Variants in CDC42BPA observed in about 807,000 individuals in gnomAD.
CDC42BPA encodes the protein CDC42 binding protein kinase alpha, also known as serine/threonine-protein kinase MRCK alpha.
CDC42BPA carries 80 observed loss-of-function variants against 223.5 expected under a neutral mutation model. The ratio of observed to expected loss-of-function variants is 0.36; its 90% CI spans 0.30 to 0.43. CDC42BPA has a LOEUF of 0.43. Ranked by LOEUF, CDC42BPA falls within the 20% of genes least tolerant of loss-of-function variation. The pLI is 1.00. For missense variants in CDC42BPA, 1,743 were observed against 2,099.9 expected (o/e 0.83, Z 3.32); for synonymous variants, 694 against 718.6 (o/e 0.97, Z 0.55).
chr1:227,089,905 A>T lies in CDC42BPA; in HGVS notation c.2355+1981T>A, dbSNP rs77215440. Among the ~76,000 whole-genome samples the T allele has an allele frequency of 8.1e-3, 1,233 of 152,292 alleles. 17 individuals are homozygous for T. Among genetic ancestry groups the T allele is most frequent in the African/African-American group, 0.028 (1,171 of 41,564 alleles). On this transcript the variant is annotated intron_variant, in intron 16 of 36. Transcript: ENST00000366766. ...TATTTTCCAATACAATTTTTCTTAA[A>T]ATGTAATAACATCTTTTAGTAGGTA...
chr1:227,044,875 C>T (rs1672111867), intron 23 of CDC42BPA, among the ~76,000 whole-genome samples: 1 of 152,124 alleles, frequency 6.6e-6, no homozygotes, highest in African/African-American at 2.4e-5. Context: ...AATAGTTCCC[C>T]TCCCACCCTC....
At chr1:227,041,652 C>T (rs980411701) in intron 23 of CDC42BPA, among the ~76,000 whole-genome samples, 1 of 151,790 alleles carries the variant, frequency 6.6e-6, no homozygotes, top group Non-Finnish European at 1.5e-5. Context: ...CATAGAAAAA[C>T]CTGACTACCA....
chr1:227,188,503 G>A (rs1412787361), intron 5 of CDC42BPA, among the ~76,000 whole-genome samples: 1 of 151,960 alleles, frequency 6.6e-6, no homozygotes, highest in African/African-American at 2.4e-5. Context: ...TAGGTAAATG[G>A]AAAACTATGG....
rs1245855564 is a variant in CDC42BPA at position 227,112,767 on chromosome 1, G to A, written c.1794C>T (p.Arg598=). 1.2e-6 allele frequency: 2 copies of A among 1,613,950 alleles called. No homozygotes were observed. Among genetic ancestry groups the A allele is most frequent in the Non-Finnish European group, 1.7e-6 (2 of 1,179,982 alleles). ...ELHTQKQKLA[R]HVRDKEEEVD... is the part of the protein sequence containing the mutation. ...CCTCTTCTTCCTTATCTCGGACATG[G>A]CGAGCAAGTTTCTGTTTTTGGGTGT... Residue 598 remains arginine (R), a synonymous_variant, in exon 13 of 37, where the codon CGC becomes CGT. Coordinates refer to ENST00000366766, the MANE Select transcript of CDC42BPA (RefSeq NM_001394014.1).
intron 35 of CDC42BPA, among the ~76,000 whole-genome samples, chr1:227,001,380 A>C (rs1373938554): frequency 6.6e-6 from 1 of 152,190 alleles, no homozygotes; most frequent in Non-Finnish European, 1.5e-5. Flanking sequence ...AAACTCAATG[A>C]ATGCGTTAAG....
intron 1 of CDC42BPA, among the ~76,000 whole-genome samples, chr1:227,263,025 T>G (rs1849551): frequency 0.31 from 46,804 of 151,980 alleles, 7,386 homozygotes; most frequent in East Asian, 0.37. Flanking sequence ...TTGAGGTCAG[T>G]AGTTCAAGAC....
intron 12 of CDC42BPA, among the ~76,000 whole-genome samples, chr1:227,115,741 A>G (rs1032400755): frequency 2.0e-5 from 3 of 152,122 alleles, no homozygotes; most frequent in African/African-American, 7.2e-5. Flanking sequence ...ACAAAAAAAG[A>G]TAAAACTCCA....
At chr1:227,041,999 C>T (rs901078116) in intron 23 of CDC42BPA, among the ~76,000 whole-genome samples, 2 of 152,116 alleles carry the variant, frequency 1.3e-5, no homozygotes, top group African/African-American at 4.8e-5. Context: ...CTCCTGTATA[C>T]TACTTTTTAA....
chr1:227,157,981 G>A (rs555823450), intron 6 of CDC42BPA, among the ~76,000 whole-genome samples: 9 of 139,192 alleles, frequency 6.5e-5, no homozygotes, highest in East Asian at 4.1e-4. Context: ...TTTTTGAGAC[G>A]CAGTCTCATT....
intron 34 of CDC42BPA, among the ~76,000 whole-genome samples, chr1:227,012,368 C>A (rs1043937710): frequency 2.0e-5 from 3 of 151,966 alleles, no homozygotes; most frequent in Non-Finnish European, 4.4e-5. Context: ...TATTTATAAG[C>A]CACACACACC....
intron 1 of CDC42BPA, among the ~76,000 whole-genome samples, chr1:227,272,627 G>T (rs1041708155): frequency 6.6e-6 from 1 of 152,080 alleles, no homozygotes; most frequent in Non-Finnish European, 1.5e-5. Context: ...TCACTATGTT[G>T]CCCAGGCTGG....
At chr1:227,167,266 A>T (rs1276972087) in intron 5 of CDC42BPA, among the ~76,000 whole-genome samples, 3 of 152,240 alleles carry the variant, frequency 2.0e-5, no homozygotes, top group Non-Finnish European at 4.4e-5. Flanking sequence ...GAAATGTATG[A>T]TCAATTCTTA....
intron 2 of CDC42BPA, among the ~76,000 whole-genome samples, chr1:227,214,143 ACAG>A (rs1374229690): frequency 6.6e-6 from 1 of 152,050 alleles, no homozygotes; most frequent in African/African-American, 2.4e-5. Context: ...CAAACTATAT[ACAG>A]CAGATCTTCA....
In CDC42BPA at chr1:227,199,698, T is replaced by C. The variant is rs764159692; in HGVS notation, c.355-46A>G. ...TTTTAGAGCATACTTTATGTAAAAC[T>C]AGGAAATATACAAAGAATTACTATG... On this transcript the variant is annotated intron_variant, in intron 3 of 36. Transcript: ENST00000366766. 1.2e-5 allele frequency: 11 copies of C among 898,364 alleles called. No homozygotes were observed. The South Asian group carries it at 1.5e-4, about 12-fold the overall frequency. The allele number at this position is 898,364 out of a possible 1,614,324, so 55.6% of individuals were successfully genotyped here.
intron 1 of CDC42BPA, among the ~76,000 whole-genome samples, chr1:227,276,873 G>C (rs1210990639): frequency 6.6e-6 from 1 of 151,922 alleles, no homozygotes; most frequent in Non-Finnish European, 1.5e-5. Context: ...ATGCTTGAAG[G>C]CAGCATGCTC....
intron 16 of CDC42BPA, among the ~76,000 whole-genome samples, chr1:227,081,828 T>C (rs1456324954): frequency 6.6e-6 from 1 of 152,186 alleles, no homozygotes; most frequent in East Asian, 1.9e-4. Flanking sequence ...ATGTTATCCA[T>C]ACATATCACT....
At chr1:227,152,800 C>G (rs1325002738) in intron 6 of CDC42BPA, among the ~76,000 whole-genome samples, 1 of 152,004 alleles carries the variant, frequency 6.6e-6, no homozygotes, top group Non-Finnish European at 1.5e-5. Flanking sequence ...GGAAAAACAT[C>G]AGCAATAATC....
chr1:227,254,264 A>C, intron 1 of CDC42BPA, 109 bp from the exon 2 acceptor site: 1 of 583,200 alleles, frequency 1.7e-6, no homozygotes, highest in Non-Finnish European at 2.9e-6. Flanking sequence ...TGATTTAAGA[A>C]TTGTCAAAAT....
At position 227,058,924 on chromosome 1, in the gene CDC42BPA, G is replaced by A. The variant is rs1260726902; in HGVS notation, c.2905-6939C>T. ...CTAGAACTGATTTACATAAATTATAGTCAATAAGATGTATAATTTGTTCCA... is the reference window on the plus strand; with the variant it reads ...CTAGAACTGATTTACATAAATTATAATCAATAAGATGTATAATTTGTTCCA... On this transcript the variant is annotated intron_variant, in intron 21 of 36. Transcript: ENST00000366766. 2.0e-5 allele frequency among the ~76,000 whole-genome samples: 3 copies of A among 148,828 alleles called. No homozygotes were observed. In the Admixed American group the frequency reaches 2.0e-4, roughly 10 times the overall value.
Sources: gnomAD v4.1 joint callset for allele counts (sites outside exome capture counted in the v4.1 genomes callset) on GRCh38, gnomAD v4.1.1 for gene constraint, MANE v1.5 for transcripts, NCBI Gene and HGNC (gene_info 2026-07-23, HGNC 2026-07-21) for gene names.